Variants in FBXO9 observed in about 807,000 individuals in gnomAD.
FBXO9 encodes the protein F-box only protein 9.
Under a neutral mutation model 63.7 loss-of-function variants are expected in FBXO9, and 43 were observed. The observed-to-expected ratio is 0.67, with a 90% CI of 0.53 to 0.87. The LOEUF (loss-of-function observed/expected upper bound fraction) is 0.87. FBXO9 is among the 40% of genes least tolerant of loss of function. The pLI, the probability that FBXO9 is intolerant of heterozygous loss-of-function variation, is 0.00. For synonymous variants in FBXO9, 156 were observed against 171.7 expected (o/e 0.91, Z 0.72); for missense variants, 442 against 533.2 (o/e 0.83, Z 1.68).
intron 7 of FBXO9, among the ~76,000 whole-genome samples, chr6:53,086,022 G>A (rs1396726939): frequency 6.6e-6 from 1 of 152,190 alleles, no homozygotes; most frequent in Admixed American, 6.5e-5. Context: ...GGTGGCTCAT[G>A]CCTATAATCC....
intron 11 of FBXO9, among the ~76,000 whole-genome samples, 181 bp from the exon 12 acceptor site, chr6:53,095,328 AAAAT>A (rs1763176920): frequency 6.6e-6 from 1 of 152,212 alleles, no homozygotes. Flanking sequence ...GATGGGGAAA[AAAAT>A]CTGATATTTT....
chr6:53,096,388 C>T (rs1016764), intron 12 of FBXO9, among the ~76,000 whole-genome samples: 141,407 of 152,300 alleles, frequency 0.93, 65,741 homozygotes, highest in East Asian at 1. Context: ...TCTAAAATTC[C>T]GAGAGAGAAG....
In FBXO9 at chr6:53,093,979, G is replaced by C; in HGVS notation, c.1053+1G>C. 6.5e-7 allele frequency: 1 copy of C among 1,536,618 alleles called. No homozygotes were observed. The highest frequency in any genetic ancestry group is 8.8e-7 in the Non-Finnish European group (1 of 1,135,274). On this transcript the variant is annotated splice_donor_variant, in intron 11 of 12. Transcript: ENST00000323557. LOFTEE classifies it high-confidence loss of function. ...TGTAATAACTAAGAAAAAAGAAGAA[G>C]TGAGTATACGAGGTGTAATTAATAG...
At chr6:53,091,105 C>T (rs1281588063) in intron 7 of FBXO9, 1 of 152,094 alleles carries the variant, frequency 6.6e-6, no homozygotes, top group Non-Finnish European at 1.5e-5. Flanking sequence ...GTAGTAAACT[C>T]CAAGGAGCTG....
chr6:53,078,616 AG>A (rs1769200824), intron 4 of FBXO9, among the ~76,000 whole-genome samples, 182 bp from the exon 5 acceptor site: 2 of 152,200 alleles, frequency 1.3e-5, no homozygotes, highest in Non-Finnish European at 2.9e-5. Flanking sequence ...TTTAGGGAAA[AG>A]TTTCTTTCTG....
At chr6:53,081,966 G>A (rs1197480369) in intron 6 of FBXO9, among the ~76,000 whole-genome samples, 1 of 152,114 alleles carries the variant, frequency 6.6e-6, no homozygotes, top group Non-Finnish European at 1.5e-5. Flanking sequence ...CTACTTGGGA[G>A]GCTGAGGCAC....
At chr6:53,081,677 G>A (rs1769317704) in intron 6 of FBXO9, among the ~76,000 whole-genome samples, 1 of 152,220 alleles carries the variant, frequency 6.6e-6, no homozygotes, top group African/African-American at 2.4e-5. Context: ...AGTCTGAGTT[G>A]TTGAGGTAGC....
Position 53,094,043 on chromosome 6 carries a change from G to A in FBXO9, c.1053+65G>A, listed in dbSNP as rs1008125953. The A allele has an allele frequency of 8.3e-6, 8 of 958,306 alleles. No homozygotes were observed. In the African/African-American group the frequency reaches 8.4e-5, roughly 10 times the overall value. The allele number at this position is 958,306 out of a possible 1,614,324, so 59.4% of individuals were successfully genotyped here. ...ATAGCCTATTCATCCAAGCAGTCTCGATTAGAACAACAACAAAAAAAACCC... is the reference window on the plus strand; with the variant it reads ...ATAGCCTATTCATCCAAGCAGTCTCAATTAGAACAACAACAAAAAAAACCC... On this transcript the variant is annotated intron_variant, in intron 11 of 12. Transcript: ENST00000323557.
intron 7 of FBXO9, among the ~76,000 whole-genome samples, chr6:53,084,870 G>T (rs1769431497): frequency 6.6e-6 from 1 of 152,076 alleles, no homozygotes; most frequent in African/African-American, 2.4e-5. Flanking sequence ...AAGAGAGGTA[G>T]ACTTTAGGCT....
At chr6:53,077,551 A>G (rs1307475273) in intron 4 of FBXO9, among the ~76,000 whole-genome samples, 1 of 151,774 alleles carries the variant, frequency 6.6e-6, no homozygotes, top group Non-Finnish European at 1.5e-5. Flanking sequence ...TTAACCCAAT[A>G]GAAATGTGTA....
At position 53,073,559 on chromosome 6, in the gene FBXO9, C is replaced by A. The variant is rs754758186; in HGVS notation, c.169C>A (p.Pro57Thr). The change falls in exon 3 of 13, where the codon CCT becomes ACT. Residue 57 changes from proline to threonine, a missense_variant. By Grantham distance (38) the Pro-to-Thr change is conservative. This residue lies in a region of FBXO9 where 180 missense variants were observed against 171.1 expected (regional missense o/e 1.05). Transcript: ENST00000323557. ...GVSSSNLENR[P>T]CRAARGSLQK... ...AAGCTCTAGCAATTTAGAAAATCGACCTTGCAGAGCAGCAAGAGGCTCTCT... is the reference window on the plus strand; with the variant it reads ...AAGCTCTAGCAATTTAGAAAATCGAACTTGCAGAGCAGCAAGAGGCTCTCT... 5.0e-6 allele frequency: 8 copies of A among 1,612,754 alleles called. No individual in the cohort carries two copies. Among genetic ancestry groups the A allele is most frequent in the Admixed American group, 1.7e-5 (1 of 59,864 alleles).
chr6:53,078,528 TA>T (rs1349427063), intron 4 of FBXO9, among the ~76,000 whole-genome samples: 2 of 152,184 alleles, frequency 1.3e-5, no homozygotes, highest in Non-Finnish European at 2.9e-5. Context: ...GACAACTATT[TA>T]AAAATCATGA....
intron 7 of FBXO9, among the ~76,000 whole-genome samples, chr6:53,087,373 A>G (rs915696946): frequency 3.3e-5 from 5 of 151,176 alleles, no homozygotes; most frequent in Non-Finnish European, 7.4e-5. Context: ...AGAGATAAAC[A>G]TTTCAGTGTC....
chr6:53,080,643 G>A (rs1056372592), intron 5 of FBXO9, among the ~76,000 whole-genome samples: 3 of 152,102 alleles, frequency 2.0e-5, no homozygotes, highest in South Asian at 4.1e-4. Flanking sequence ...AACATACTAC[G>A]TTAAGATTTT....
intron 1 of FBXO9, chr6:53,067,888 C>T (rs1310232711): frequency 6.6e-6 from 1 of 152,158 alleles, no homozygotes; most frequent in Non-Finnish European, 1.5e-5. Flanking sequence ...TTCTTGATCT[C>T]ATTTATTTCT....
Position 53,071,052 on chromosome 6 carries a change from C to T in FBXO9, c.4-5C>T, listed in dbSNP as rs756742490. 6.4e-7 allele frequency: 1 copy of T among 1,567,774 alleles called. No individual in the cohort carries two copies. Among genetic ancestry groups the T allele is most frequent in the African/African-American group, 1.4e-5 (1 of 73,974 alleles). Reference sequence around the variant, plus strand: ...CCTGACATTATTTGGGTTTTCCCCCCTCAGGCAGAAGCTGAGGAAGATTGT... The same window carrying T: ...CCTGACATTATTTGGGTTTTCCCCCTTCAGGCAGAAGCTGAGGAAGATTGT... On this transcript the variant is annotated splice_region_variant and splice_polypyrimidine_tract_variant and intron_variant, in intron 1 of 12. Coordinates refer to ENST00000323557, the MANE Select transcript of FBXO9 (RefSeq NM_033480.3).
Position 53,097,804 on chromosome 6 carries a change from A to T in FBXO9, c.1288A>T (p.Thr430Ser). The change falls in exon 13 of 13, where the codon ACA becomes TCA. Residue 430 changes from threonine (T) to serine (S), a missense_variant. Coordinates refer to ENST00000323557, the MANE Select transcript of FBXO9 (RefSeq NM_033480.3). ...PLFFARVRSY[T>S]AFSERPL is the part of the protein sequence containing the mutation. Reference sequence around the variant, plus strand: ...GTTCTTCGCCAGAGTAAGGAGCTACACAGCTTTCTCAGAAAGGCCTCTGTA... The same window carrying T: ...GTTCTTCGCCAGAGTAAGGAGCTACTCAGCTTTCTCAGAAAGGCCTCTGTA... The T allele has an allele frequency of 6.2e-7, 1 of 1,607,270 alleles. No homozygotes were observed. The highest frequency in any genetic ancestry group is 8.5e-7 in the Non-Finnish European group (1 of 1,176,400).
chr6:53,073,931 A>AT (rs1379014222), intron 3 of FBXO9, among the ~76,000 whole-genome samples: 1 of 152,152 alleles, frequency 6.6e-6, no homozygotes, highest in Non-Finnish European at 1.5e-5. Context: ...TTCCTAAAAG[A>AT]TTGGTGTCTC....
chr6:53,070,043 G>C (rs1309053644), intron 1 of FBXO9, among the ~76,000 whole-genome samples: 1 of 59,078 alleles, frequency 1.7e-5, no homozygotes, highest in Admixed American at 2.2e-4. Context: ...TTTTTTTTAT[G>C]ATGGGGTCTC....
Sources: gnomAD v4.1 joint callset for allele counts (sites outside exome capture counted in the v4.1 genomes callset) on GRCh38, gnomAD v4.1.1 for gene constraint, gnomAD v4.1.1 regional missense constraint, MANE v1.5 for transcripts, NCBI Gene and HGNC (gene_info 2026-07-23, HGNC 2026-07-21) for gene names.